NOX3: variants seen among roughly 807,000 people sequenced by gnomAD.
NOX3 encodes the protein NADPH oxidase 3.
NOX3 carries 74 observed loss-of-function variants against 76.7 expected under a neutral mutation model. That is an observed-to-expected ratio of 0.96 (90% confidence interval 0.80 to 1.17). The LOEUF is 1.17. Among genes scored for constraint, NOX3 ranks in the 50% most tolerant of loss-of-function variants. The probability of loss-of-function intolerance (pLI) is 0.00; values close to 1 mark genes in which losing one functional copy is unlikely to be tolerated. For synonymous variants in NOX3, 263 were observed against 261.1 expected (o/e 1.01, Z -0.07); for missense variants, 695 against 703.3 (o/e 0.99, Z 0.13).
intron 3 of NOX3, among the ~76,000 whole-genome samples, chr6:155,454,389 T>C (rs1777184796): frequency 2.0e-5 from 3 of 152,226 alleles, no homozygotes; most frequent in Non-Finnish European, 4.4e-5. Flanking sequence ...CCATTATGTT[T>C]GGTAGAGGTT....
Position 155,432,729 on chromosome 6 carries a change from G to A in NOX3, c.799-1794C>T, listed in dbSNP as rs1174115941. ...GGGGCAACACAAGGCAACACAATTT[G>A]ACCCACTTATTTTTTCTGCCTCAGT... is the stretch of plus-strand genomic sequence containing the variant. On this transcript the variant is annotated intron_variant, in intron 7 of 13. Coordinates refer to ENST00000159060, the MANE Select transcript of NOX3 (RefSeq NM_015718.3). 2.0e-5 allele frequency among the ~76,000 whole-genome samples: 3 copies of A among 152,244 alleles called. No homozygotes were observed. The East Asian group carries it at 5.8e-4, about 29-fold the overall frequency.
At chr6:155,442,193 G>A (rs1472932340) in intron 5 of NOX3, among the ~76,000 whole-genome samples, 12 of 152,190 alleles carry the variant, frequency 7.9e-5, no homozygotes, top group African/African-American at 2.9e-4. Context: ...GAATCCGGGA[G>A]GCGGAGCTTG....
intron 8 of NOX3, 74 bp downstream of exon 8, chr6:155,430,769 A>G: frequency 1.1e-6 from 1 of 911,562 alleles, no homozygotes; most frequent in South Asian, 1.5e-5. Context: ...AAAATGGCAA[A>G]TTAAAAATTT....
chr6:155,398,182 T>C (rs762793056), intron 12 of NOX3, among the ~76,000 whole-genome samples: 24 of 152,098 alleles, frequency 1.6e-4, no homozygotes, highest in Admixed American at 1.4e-3. Context: ...AGCTTTACTG[T>C]GCATAAAATC....
chr6:155,424,164 CTT>C (rs1188780202), intron 9 of NOX3, among the ~76,000 whole-genome samples: 4 of 152,172 alleles, frequency 2.6e-5, no homozygotes, highest in Non-Finnish European at 4.4e-5. Context: ...TAAATCCCCT[CTT>C]ATATAATTTA....
In NOX3 at chr6:155,429,931, G is replaced by A. The variant is rs953140396; in HGVS notation, c.892-884C>T. 1.6e-4 allele frequency among the ~76,000 whole-genome samples: 24 copies of A among 152,148 alleles called. 1 individual carries two copies. The highest frequency in any genetic ancestry group is 4.8e-4 in the African/African-American group (20 of 41,418). Reference sequence around the variant, plus strand: ...TAAATGGTCTCCCTCGTAACAGCTCGAGTAGGTTTCCAGAAGTTTTACAGT... The same window carrying A: ...TAAATGGTCTCCCTCGTAACAGCTCAAGTAGGTTTCCAGAAGTTTTACAGT... On this transcript the variant is annotated intron_variant, in intron 8 of 13. Coordinates refer to ENST00000159060, the MANE Select transcript of NOX3 (RefSeq NM_015718.3).
At chr6:155,441,591 C>T (rs1435338014) in intron 5 of NOX3, among the ~76,000 whole-genome samples, 1 of 152,178 alleles carries the variant, frequency 6.6e-6, no homozygotes, top group Non-Finnish European at 1.5e-5. Context: ...ATACTCATCT[C>T]TCTCCAAATA....
At chr6:155,410,318 T>C (rs201796029) in intron 11 of NOX3, among the ~76,000 whole-genome samples, 2,382 of 151,518 alleles carry the variant, frequency 0.016, 51 homozygotes, top group East Asian at 0.073. Context: ...TGTGTGTGTG[T>C]GCGCACGCAT....
At chr6:155,427,952 G>C (rs530819164) in intron 9 of NOX3, among the ~76,000 whole-genome samples, 1 of 152,152 alleles carries the variant, frequency 6.6e-6, no homozygotes, top group Non-Finnish European at 1.5e-5. Flanking sequence ...CCAGGCTGGA[G>C]TGCAGTGGCG....
intron 12 of NOX3, among the ~76,000 whole-genome samples, chr6:155,401,878 T>A (rs1384284414): frequency 6.6e-6 from 1 of 152,020 alleles, no homozygotes; most frequent in South Asian, 2.1e-4. Flanking sequence ...GGTGAAGTTA[T>A]TAACAGATAG....
intron 6 of NOX3, among the ~76,000 whole-genome samples, chr6:155,438,067 C>T (rs879833885): frequency 3.3e-5 from 5 of 152,158 alleles, no homozygotes; most frequent in African/African-American, 4.8e-5. Context: ...TCTTGTGCTT[C>T]TACAATGCAC....
chr6:155,448,424 G>A (rs560185852), intron 4 of NOX3, among the ~76,000 whole-genome samples: 31 of 152,168 alleles, frequency 2.0e-4, no homozygotes, highest in East Asian at 7.7e-4. Flanking sequence ...TCTACAGTAC[G>A]CACTTCTCTG....
chr6:155,440,694 A>C (rs1448009588), intron 5 of NOX3, among the ~76,000 whole-genome samples: 1 of 152,162 alleles, frequency 6.6e-6, no homozygotes, highest in Admixed American at 6.6e-5. Flanking sequence ...AAAAAAAAAA[A>C]AAACCAAAGT....
At chr6:155,449,635 C>T (rs1261141782) in intron 4 of NOX3, among the ~76,000 whole-genome samples, 1 of 152,132 alleles carries the variant, frequency 6.6e-6, no homozygotes, top group Non-Finnish European at 1.5e-5. Context: ...TTGCCTCTTC[C>T]CTCCTCCTCC....
intron 9 of NOX3, among the ~76,000 whole-genome samples, chr6:155,426,984 C>CGTGTGCGTGCGT (rs1554263747): frequency 2.4e-5 from 1 of 41,906 alleles, no homozygotes; most frequent in African/African-American, 8.6e-5. Context: ...GACACTGTGG[C>CGTGTGCGTGCGT]GTGTGTGTGT....
In NOX3 at chr6:155,411,291, C is replaced by T; in HGVS notation, c.1378G>A (p.Glu460Lys). ...EWFADLLLSL[E>K]TRMSEQGKTH... Reference sequence around the variant, plus strand: ...TTCCCCTGCTCACTCATCCGTGTTTCCAGGGAGAGTAAGAGATCAGCAAAC... The same window carrying T: ...TTCCCCTGCTCACTCATCCGTGTTTTCAGGGAGAGTAAGAGATCAGCAAAC... Residue 460 changes from glutamate (E) to lysine (K), a missense_variant, in exon 11 of 14, where the codon GAA (glutamate) becomes AAA (lysine). Coordinates refer to ENST00000159060, the MANE Select transcript of NOX3 (RefSeq NM_015718.3). 6.2e-7 allele frequency: 1 copy of T among 1,613,972 alleles called. No homozygotes were observed.
At chr6:155,433,688 A>T (rs778897219) in intron 7 of NOX3, among the ~76,000 whole-genome samples, 16 of 152,198 alleles carry the variant, frequency 1.1e-4, no homozygotes, top group Non-Finnish European at 2.4e-4. Flanking sequence ...TGGAAGCCAG[A>T]GACTTAGAGT....
intron 4 of NOX3, among the ~76,000 whole-genome samples, 184 bp from the exon 5 acceptor site, chr6:155,443,602 T>C (rs1777023646): frequency 6.6e-6 from 1 of 152,210 alleles, no homozygotes; most frequent in African/African-American, 2.4e-5. Flanking sequence ...CTTCCAAAGA[T>C]ACTGTACAAA....
Position 155,443,403 on chromosome 6 carries a change from G to A in NOX3, c.356C>T (p.Ala119Val), listed in dbSNP as rs150612632. ...GTAGCGTTCCAGGTTGAAGAAATGC[G>A]CCACGATGTGGATGGCTAGGACAAG... ...IAVNATIHIV[A>V]HFFNLERYHW... is the part of the protein sequence containing the mutation. The change falls in exon 5 of 14, where the codon GCG (alanine) becomes GTG (valine). Residue 119 changes from alanine to valine, a missense_variant. Ala to Val is a moderately conservative substitution (Grantham distance 64). Coordinates refer to ENST00000159060, the MANE Select transcript of NOX3 (RefSeq NM_015718.3). The A allele has an allele frequency of 1.1e-4, 182 of 1,613,842 alleles. No homozygotes were observed. Among genetic ancestry groups the A allele is most frequent in the Non-Finnish European group, 1.5e-4 (173 of 1,179,836 alleles).
Sources: allele counts gnomAD v4.1 joint callset (sites outside exome capture counted in the v4.1 genomes callset), GRCh38; gene constraint gnomAD v4.1.1; transcripts MANE v1.5; gene names NCBI Gene and HGNC (gene_info 2026-07-23, HGNC 2026-07-21).